The following SLC35G1 variants were observed in gnomAD, a reference collection of about 807,000 sequenced individuals.
SLC35G1 encodes partner of STIM1.
SLC35G1 carries 10 observed loss-of-function variants against 17.1 expected under a neutral mutation model. That is an observed-to-expected ratio of 0.59 (90% confidence interval 0.36 to 0.99). The LOEUF (loss-of-function observed/expected upper bound fraction) is 0.99. SLC35G1 is among the 50% of genes least tolerant of loss of function. SLC35G1 has a pLI of 0.01. For synonymous variants in SLC35G1, 185 were observed against 181.1 expected, an observed-to-expected ratio of 1.02 and a Z score of -0.18; for missense variants, 433 against 468.4, an observed-to-expected ratio of 0.92 and a Z score of 0.70.
downstream of SLC35G1, among the ~76,000 whole-genome samples, chr10:93,904,218 G>A (rs2060415270): frequency 2.6e-5 from 4 of 152,120 alleles, no homozygotes; most frequent in South Asian, 8.3e-4. Context: ...CTTAGCCCAA[G>A]ACTTAGCACC....
intron 2 of SLC35G1, 44 bp from the exon 3 acceptor site, chr10:93,900,699 TAAAAACAAA>T: frequency 7.1e-7 from 1 of 1,411,508 alleles, no homozygotes. Flanking sequence ...AATTGTAATT[TAAAAACAAA>T]TATTAATTTC....
downstream of SLC35G1, among the ~76,000 whole-genome samples, chr10:93,905,984 A>G (rs1439698619): frequency 6.6e-6 from 1 of 152,180 alleles, no homozygotes; most frequent in East Asian, 1.9e-4. Flanking sequence ...AGAGGAGTGC[A>G]TTACTAACCA....
Position 93,900,737 on chromosome 10 carries a change from C to A in SLC35G1, c.360-15C>A. ...TAATTTCATTTAATATGCATTTCTT[C>A]ATTTGAATTTACAGAACTGGGTTTA... On this transcript the variant is annotated splice_polypyrimidine_tract_variant and intron_variant, in intron 2 of 2. Transcript: ENST00000427197. 1 of 1,516,102 alleles carries A rather than the reference C, an allele frequency of 6.6e-7. No homozygotes were observed. Among genetic ancestry groups the A allele is most frequent in the Middle Eastern group, 1.8e-4 (1 of 5,650 alleles). 93.9% of individuals were successfully genotyped at this position (1,516,102 alleles called of 1,614,324 possible).
intron 1 of SLC35G1, among the ~76,000 whole-genome samples, chr10:93,897,383 C>T (rs982891055): frequency 6.6e-6 from 1 of 152,154 alleles, no homozygotes; most frequent in Non-Finnish European, 1.5e-5. Context: ...TGTTTTATAG[C>T]TATCACATTA....
rs201957564 is a variant in SLC35G1, at chr10:93,894,188, C to G, written c.155C>G (p.Pro52Arg). 2 of 1,437,426 alleles carry G rather than the reference C, an allele frequency of 1.4e-6. No individual in the cohort carries two copies. Among genetic ancestry groups the G allele is most frequent in the African/African-American group, 1.5e-5 (1 of 67,482 alleles). The allele number at this position is 1,437,426 out of a possible 1,614,324, so 89.0% of individuals were successfully genotyped here. A position where few individuals can be genotyped will look rare whatever the true frequency, so the allele number is the denominator to read the frequency against. ...AGGTGCTGGCTCTGCCTTTCCTCGC[C>G]GTGTTGCTCCCGCACCGAGCCGGGT... ...RGRCWLCLSS[P>R]CCSRTEPEAK... Residue 52 changes from proline (P) to arginine (R), a missense_variant, in exon 1 of 3, where the codon CCG becomes CGG. By Grantham distance (103) the Pro-to-Arg change is moderately radical. Coordinates refer to ENST00000427197, the MANE Select transcript of SLC35G1 (RefSeq NM_001134658.3).
At position 93,901,242 on chromosome 10, in the gene SLC35G1, G is replaced by T. The variant is rs143582038; in HGVS notation, c.850G>T (p.Asp284Tyr). 1.8e-5 allele frequency: 29 copies of T among 1,613,864 alleles called. No homozygotes were observed. The highest frequency in any genetic ancestry group is 2.5e-5 in the Non-Finnish European group (29 of 1,179,912). ...GTGGAGTCTGCCTTACTGTGGGTTG[G>T]ACAGGCTATTTCTCATATTCATTGG... ...GEWSLPYCGL[D>Y]RLFLIFIGLF... Residue 284 changes from aspartate (D) to tyrosine (Y), a missense_variant, in exon 3 of 3, where the codon GAC (aspartate) becomes TAC (tyrosine). Asp to Tyr is a radical substitution (Grantham distance 160). Transcript: ENST00000427197.
chr10:93,903,601 G>A lies in SLC35G1; in HGVS notation c.*2111G>A, dbSNP rs529095021. The A allele has an allele frequency of 6.6e-6, 1 of 152,272 alleles. No individual in the cohort carries two copies. Among genetic ancestry groups the A allele is most frequent in the Admixed American group, 6.5e-5 (1 of 15,280 alleles). 9.4% of individuals were successfully genotyped at this position (152,272 alleles called of 1,614,324 possible). A position where few individuals can be genotyped will look rare whatever the true frequency, so the allele number is the denominator to read the frequency against. ...GTTTTGTTTGAACAATGTAGTTTAAGTACTTGAATGTCACACTATATAACT... is the reference window on the plus strand; with the variant it reads ...GTTTTGTTTGAACAATGTAGTTTAAATACTTGAATGTCACACTATATAACT... On this transcript the variant is annotated 3_prime_UTR_variant, in exon 3 of 3. Transcript: ENST00000427197.
In SLC35G1 at chr10:93,903,353, T is replaced by C. The variant is rs899816665; in HGVS notation, c.*1863T>C. 1 of 152,158 alleles carries C rather than the reference T, an allele frequency of 6.6e-6. No homozygotes were observed. Among genetic ancestry groups the C allele is most frequent in the Non-Finnish European group, 1.5e-5 (1 of 68,008 alleles). 9.4% of individuals were successfully genotyped at this position (152,158 alleles called of 1,614,324 possible). A position where few individuals can be genotyped will look rare whatever the true frequency, so the allele number is the denominator to read the frequency against. ...GAAATCATCACATAGGGGCCATGCT[T>C]CGTAGATAGGGATGATAGAGAGGAG... is the stretch of plus-strand genomic sequence containing the variant. On this transcript the variant is annotated 3_prime_UTR_variant, in exon 3 of 3. Coordinates refer to ENST00000427197, the MANE Select transcript of SLC35G1 (RefSeq NM_001134658.3).
At chr10:93,894,609 T>G (rs2060312475) in intron 1 of SLC35G1, among the ~76,000 whole-genome samples, 1 of 151,864 alleles carries the variant, frequency 6.6e-6, no homozygotes, top group South Asian at 2.1e-4. Context: ...ATCCCGGTGG[T>G]TAAGGGTTCT....
At chr10:93,898,209 G>A (rs971543380) in intron 1 of SLC35G1, among the ~76,000 whole-genome samples, 1 of 152,198 alleles carries the variant, frequency 6.6e-6, no homozygotes, top group Non-Finnish European at 1.5e-5. Flanking sequence ...TGTGGCGTAA[G>A]ATATCACTTG....
intron 1 of SLC35G1, among the ~76,000 whole-genome samples, chr10:93,897,383 C>A (rs982891055): frequency 6.6e-6 from 1 of 152,154 alleles, no homozygotes; most frequent in African/African-American, 2.4e-5. Context: ...TGTTTTATAG[C>A]TATCACATTA....
At chr10:93,895,418 G>T (rs2060320572) in intron 1 of SLC35G1, among the ~76,000 whole-genome samples, 1 of 152,122 alleles carries the variant, frequency 6.6e-6, no homozygotes, top group African/African-American at 2.4e-5. Context: ...TCACCCTCTG[G>T]GTGAATGTCC....
Position 93,894,004 on chromosome 10 carries a change from A to T in SLC35G1, c.-30A>T. 1 of 1,357,172 alleles carries T rather than the reference A, an allele frequency of 7.4e-7. No homozygotes were observed. Among genetic ancestry groups the T allele is most frequent in the Non-Finnish European group, 9.4e-7 (1 of 1,059,634 alleles). 84.1% of individuals were successfully genotyped at this position (1,357,172 alleles called of 1,614,324 possible). A position where few individuals can be genotyped will look rare whatever the true frequency, so the allele number is the denominator to read the frequency against. On this transcript the variant is annotated 5_prime_UTR_variant, in exon 1 of 3. Transcript: ENST00000427197. ...GGCGCTGCTGCTGGCGCCAGACGGC[A>T]CCGGCCGCTGGTAGAGCGCGTGCCG...
intron 1 of SLC35G1, among the ~76,000 whole-genome samples, chr10:93,897,098 T>C (rs1258185705): frequency 6.6e-6 from 1 of 152,186 alleles, no homozygotes; most frequent in East Asian, 1.9e-4. Context: ...TACAAGCACA[T>C]GGATACAGAA....
chr10:93,901,128 G>A lies in SLC35G1; in HGVS notation c.736G>A (p.Gly246Arg). The A allele has an allele frequency of 4.3e-6, 7 of 1,614,040 alleles. No homozygotes were observed. The highest frequency in any genetic ancestry group is 4.2e-6 in the Non-Finnish European group (5 of 1,179,958). Residue 246 changes from glycine (G) to arginine (R), a missense_variant, in exon 3 of 3, where the codon GGA (glycine) becomes AGA (arginine). Physicochemically the swap from Gly to Arg is moderately radical, Grantham distance 125. Transcript: ENST00000427197. The part of the protein sequence containing the change: ...ASTLVILRKM[G>R]KSVDYFLSIW... ...GACTCTAGTTATCCTAAGAAAAATGGGAAAATCTGTGGACTACTTTCTGAG... is the reference window on the plus strand; with the variant it reads ...GACTCTAGTTATCCTAAGAAAAATGAGAAAATCTGTGGACTACTTTCTGAG...
Position 93,898,653 on chromosome 10 carries a change from A to G in SLC35G1, c.261A>G (p.Leu87=). 5 of 1,613,924 alleles carry G rather than the reference A, an allele frequency of 3.1e-6. No individual in the cohort carries two copies. The highest frequency in any genetic ancestry group is 4.2e-6 in the Non-Finnish European group (5 of 1,179,922). ...LSAFLFSVGS[L]FVKKVQDVHA... ...CCTTCCTTTTCTCAGTGGGCTCTTT[A>G]TTTGTTAAAAAAGTGCAAGACGTCC... The change falls in exon 2 of 3, where the codon TTA becomes TTG. Residue 87 remains leucine (L), a synonymous_variant. Coordinates refer to ENST00000427197, the MANE Select transcript of SLC35G1 (RefSeq NM_001134658.3).
At chr10:93,904,935 T>C (rs925227351), downstream of SLC35G1, among the ~76,000 whole-genome samples, 1 of 152,208 alleles carries the variant, frequency 6.6e-6, no homozygotes. Context: ...CCTATCAGAA[T>C]GCAAACTCCA....
In SLC35G1 at chr10:93,901,535, C is replaced by G. The variant is rs764523077; in HGVS notation, c.*45C>G. The G allele has an allele frequency of 2.0e-6, 3 of 1,536,628 alleles. No homozygotes were observed. Among genetic ancestry groups the G allele is most frequent in the Admixed American group, 4.2e-5 (2 of 48,076 alleles). On this transcript the variant is annotated 3_prime_UTR_variant, in exon 3 of 3. Coordinates refer to ENST00000427197, the MANE Select transcript of SLC35G1 (RefSeq NM_001134658.3). The stretch of plus-strand genomic sequence containing the variant: ...ATATTTTTTTCAAGTACACCATCAC[C>G]TAATTCACATACAGCATACGCACAC...
At chr10:93,897,840 T>G (rs945392109) in intron 1 of SLC35G1, among the ~76,000 whole-genome samples, 2 of 152,150 alleles carry the variant, frequency 1.3e-5, no homozygotes, top group African/African-American at 4.8e-5. Context: ...ACCCACACCC[T>G]CCCCTTGAGG....
Sources: gnomAD v4.1 joint callset for allele counts (sites outside exome capture counted in the v4.1 genomes callset) on GRCh38, gnomAD v4.1.1 for gene constraint, MANE v1.5 for transcripts, NCBI Gene and HGNC (gene_info 2026-07-23, HGNC 2026-07-21) for gene names.